RMDN1: variants seen among roughly 807,000 people sequenced by gnomAD.
RMDN1 encodes regulator of microtubule dynamics protein 1.
Under a neutral mutation model 48.9 loss-of-function variants are expected in RMDN1, and 48 were observed. The observed-to-expected ratio is 0.98, with a 90% confidence interval of 0.78 to 1.25. The LOEUF (loss-of-function observed/expected upper bound fraction) is 1.25. RMDN1 is among the 50% of genes most tolerant of loss of function. The pLI is 0.00. For missense variants in RMDN1, 418 were observed against 373.4 expected (o/e 1.12, Z -0.98); for synonymous variants, 148 against 132.6 (o/e 1.12, Z -0.80).
Position 86,508,570 on chromosome 8 carries a change from G to C in RMDN1, c.51C>G (p.Ala17=), listed in dbSNP as rs1343229388. The C allele has an allele frequency of 6.2e-7, 1 of 1,602,462 alleles. No individual in the cohort carries two copies. Among genetic ancestry groups the C allele is most frequent in the Non-Finnish European group, 8.5e-7 (1 of 1,176,164 alleles). Residue 17 remains alanine (A), a synonymous_variant, in exon 1 of 10, where the codon GCC becomes GCG. Coordinates refer to ENST00000406452, the MANE Select transcript of RMDN1 (RefSeq NM_016033.3). ...CCGCAGGGAGACGAGACCCCGGGGC[G>C]GCTCCACGTCGGAAAGGCAGAAGGC... ...LWRLLPFRRG[A]APGSRLPAGT... is the part of the protein sequence containing the mutation.
intron 4 of RMDN1, among the ~76,000 whole-genome samples, chr8:86,485,521 T>A (rs1237339355): frequency 6.6e-6 from 1 of 152,208 alleles, no homozygotes; most frequent in East Asian, 1.9e-4. Flanking sequence ...CCAAGAAAGT[T>A]ACCAACACAA....
intron 9 of RMDN1, 78 bp downstream of exon 9, chr8:86,474,742 G>T: frequency 1.6e-6 from 2 of 1,285,374 alleles, no homozygotes; most frequent in Non-Finnish European, 2.2e-6. Context: ...AGAAAATTAT[G>T]CTTTTAAAGA....
chr8:86,505,179 T>C, intron 2 of RMDN1: 1 of 1,026,704 alleles, frequency 9.7e-7, no homozygotes, highest in South Asian at 1.5e-5. Context: ...CTTGATTCCT[T>C]TCTTATCCCA....
rs1812790206 is a variant in RMDN1, at chr8:86,472,999, G to T, written c.*1309C>A. On this transcript the variant is annotated 3_prime_UTR_variant, in exon 10 of 10. Coordinates refer to ENST00000406452, the MANE Select transcript of RMDN1 (RefSeq NM_016033.3). Reference sequence around the variant, plus strand: ...GGTCCCATCTCCAAGATATCTTATTGTGTGTATGCAGGTATTCCAAAATTT... The same window carrying T: ...GGTCCCATCTCCAAGATATCTTATTTTGTGTATGCAGGTATTCCAAAATTT... 5.5e-6 allele frequency: 2 copies of T among 361,090 alleles called. No homozygotes were observed. The highest frequency in any genetic ancestry group is 6.4e-5 in the Admixed American group (1 of 15,578). The allele number at this position is 361,090 out of a possible 1,614,324, so 22.4% of individuals were successfully genotyped here.
In RMDN1 at chr8:86,486,655, TA is replaced by T; in HGVS notation, c.336-13del. 1 of 1,580,228 alleles carries T rather than the reference TA, an allele frequency of 6.3e-7. No individual in the cohort carries two copies. Among genetic ancestry groups the T allele is most frequent in the Non-Finnish European group, 8.6e-7 (1 of 1,163,652 alleles). On this transcript the variant is annotated splice_polypyrimidine_tract_variant and intron_variant, in intron 3 of 9. Coordinates refer to ENST00000406452, the MANE Select transcript of RMDN1 (RefSeq NM_016033.3). ...ACTCTGCATCTTCACTAATTTGAAATAAAATATAAAACAACCATTTTAGCTC... is the reference window on the plus strand; with the variant it reads ...ACTCTGCATCTTCACTAATTTGAAATAAATATAAAACAACCATTTTAGCTC...
At chr8:86,472,318 T>C (rs929557938), downstream of RMDN1, 31 of 648,110 alleles carry the variant, frequency 4.8e-5, no homozygotes, top group Non-Finnish European at 1.7e-5. Flanking sequence ...AAATTCCACA[T>C]CTGACCTCAC....
intron 8 of RMDN1, among the ~76,000 whole-genome samples, chr8:86,476,332 C>T (rs1007792383): frequency 6.6e-6 from 1 of 152,154 alleles, no homozygotes; most frequent in South Asian, 2.1e-4. Flanking sequence ...TGATGAATTA[C>T]AGAGATAAAA....
chr8:86,473,732 C>T lies in RMDN1; in HGVS notation c.*576G>A. On this transcript the variant is annotated 3_prime_UTR_variant, in exon 10 of 10. Coordinates refer to ENST00000406452, the MANE Select transcript of RMDN1 (RefSeq NM_016033.3). ...AGTGGGCCGAGATTGTGCCACTGCA[C>T]ACCAGCCTGGGAAACAAAGTGAGAC... 1 of 815,996 alleles carries T rather than the reference C, an allele frequency of 1.2e-6. No individual in the cohort carries two copies. Among genetic ancestry groups the T allele is most frequent in the Non-Finnish European group, 1.5e-6 (1 of 675,618 alleles). The allele number at this position is 815,996 out of a possible 1,614,324, so 50.5% of individuals were successfully genotyped here. A position where few individuals can be genotyped will look rare whatever the true frequency, so the allele number is the denominator to read the frequency against.
chr8:86,474,328 T>G lies in RMDN1; in HGVS notation c.925A>C (p.Ser309Arg). The stretch of plus-strand genomic sequence containing the variant: ...AGTTCTCAATTCTTCTCACTGAAAC[T>G]TGTAAGCAACTGAGCAGCTTCTGTC... ...IQTEAAQLLTSFSEKN is the reference protein window; with the variant it reads ...IQTEAAQLLTRFSEKN Residue 309 changes from serine to arginine, a missense_variant, in exon 10 of 10, where the codon AGT (serine) becomes CGT (arginine). Coordinates refer to ENST00000406452, the MANE Select transcript of RMDN1 (RefSeq NM_016033.3). 1 of 1,613,704 alleles carries G rather than the reference T, an allele frequency of 6.2e-7. No individual in the cohort carries two copies. The highest frequency in any genetic ancestry group is 8.5e-7 in the Non-Finnish European group (1 of 1,179,756).
chr8:86,480,407 A>G, intron 5 of RMDN1, 75 bp from the exon 6 acceptor site: 2 of 795,612 alleles, frequency 2.5e-6, no homozygotes, highest in East Asian at 5.7e-5. Flanking sequence ...TTTGCTGAAG[A>G]AGCCATGATT....
intron 2 of RMDN1, among the ~76,000 whole-genome samples, chr8:86,501,136 G>A (rs778886939): frequency 5.3e-5 from 8 of 152,096 alleles, no homozygotes; most frequent in South Asian, 4.2e-4. Flanking sequence ...CTTGTACACC[G>A]AATTCCAGCA....
upstream of RMDN1, among the ~76,000 whole-genome samples, chr8:86,510,941 C>T (rs6999022): frequency 0.45 from 68,050 of 151,852 alleles, 15,648 homozygotes; most frequent in East Asian, 0.58. Flanking sequence ...CTGGGCAACA[C>T]AGTGAGACTC....
intron 3 of RMDN1, among the ~76,000 whole-genome samples, chr8:86,487,071 A>ATCCC (rs1815605946): frequency 6.6e-6 from 1 of 152,246 alleles, no homozygotes; most frequent in Admixed American, 6.5e-5. Flanking sequence ...AAACTGCTGA[A>ATCCC]TCCCTAGTCT....
At chr8:86,498,533 C>T (rs1288114275) in intron 2 of RMDN1, among the ~76,000 whole-genome samples, 1 of 152,128 alleles carries the variant, frequency 6.6e-6, no homozygotes, top group East Asian at 1.9e-4. Flanking sequence ...AATCCCAGCA[C>T]TTTGGGAAGC....
intron 2 of RMDN1, among the ~76,000 whole-genome samples, chr8:86,506,385 C>T (rs1819361067): frequency 6.6e-6 from 1 of 152,088 alleles, no homozygotes; most frequent in South Asian, 2.1e-4. Flanking sequence ...AGGGTCATGC[C>T]ATGCTTGTCT....
intron 2 of RMDN1, among the ~76,000 whole-genome samples, chr8:86,497,923 C>T (rs1423504336): frequency 2.0e-5 from 3 of 151,792 alleles, no homozygotes; most frequent in African/African-American, 7.3e-5. Flanking sequence ...GGAGAAATCC[C>T]GTCTCTACTG....
Position 86,481,720 on chromosome 8 carries a change from G to T in RMDN1, c.586-1388C>A, listed in dbSNP as rs941302108. ...CCACCAATGGTCTCTGTCAGGCCAA[G>T]AAGGTTCTGCTTTCTTTGGTAATTC... On this transcript the variant is annotated intron_variant, in intron 5 of 9. Coordinates refer to ENST00000406452, the MANE Select transcript of RMDN1 (RefSeq NM_016033.3). 5.4e-5 allele frequency: 34 copies of T among 631,680 alleles called. No individual in the cohort carries two copies. The African/African-American group carries it at 5.8e-4, about 11-fold the overall frequency. 39.1% of individuals were successfully genotyped at this position (631,680 alleles called of 1,614,324 possible).
chr8:86,470,041 T>G, downstream of RMDN1: 1 of 486,122 alleles, frequency 2.1e-6, no homozygotes, highest in Non-Finnish European at 2.7e-6. Context: ...AAAAACTCAG[T>G]TGAGATAACT....
chr8:86,491,729 G>C (rs963734660), intron 2 of RMDN1, among the ~76,000 whole-genome samples: 1 of 152,134 alleles, frequency 6.6e-6, no homozygotes, highest in Non-Finnish European at 1.5e-5. Flanking sequence ...AAATAGATAT[G>C]TGCAAGATCA....
Sources: gnomAD v4.1 joint callset for allele counts (sites outside exome capture counted in the v4.1 genomes callset) on GRCh38, gnomAD v4.1.1 for gene constraint, MANE v1.5 for transcripts, NCBI Gene and HGNC (gene_info 2026-07-23, HGNC 2026-07-21) for gene names.